Variants in RAB22A observed in about 807,000 individuals in gnomAD.
RAB22A encodes RAB22A, member RAS oncogene family.
RAB22A carries 13 observed loss-of-function variants against 30.2 expected under a neutral mutation model. The ratio of observed to expected loss-of-function variants is 0.43; its 90% CI spans 0.28 to 0.68. RAB22A has a LOEUF of 0.68. Among genes scored for constraint, RAB22A ranks in the 30% least tolerant of loss-of-function variants. RAB22A has a pLI of 0.18. For synonymous variants in RAB22A, 89 were observed against 87.2 expected (o/e 1.02, Z -0.11); for missense variants, 177 against 246.8 (o/e 0.72, Z 1.89).
chr20:58,339,373 A>G (rs1986817829), intron 2 of RAB22A, among the ~76,000 whole-genome samples: 1 of 152,246 alleles, frequency 6.6e-6, no homozygotes, highest in Non-Finnish European at 1.5e-5. Context: ...GTATCATTTG[A>G]ATGGCAGGGA....
Position 58,353,529 on chromosome 20 carries a change from T to C in RAB22A, c.368T>C (p.Ile123Thr), listed in dbSNP as rs1023329295. Residue 123 changes from isoleucine to threonine, a missense_variant, in exon 5 of 7, where the codon ATC becomes ACC. Physicochemically the swap from Ile to Thr is moderately conservative, Grantham distance 89. Transcript: ENST00000244040. Reference protein sequence around the residue: ...VAIAGNKCDLIDVREVMERDA... With the variant: ...VAIAGNKCDLTDVREVMERDA... ...ATTGCAGGAAATAAATGTGATCTTA[T>C]CGATGTAAGGTAAGTTATTAGAACG... The C allele has an allele frequency of 1.9e-6, 3 of 1,596,678 alleles. No individual in the cohort carries two copies. Among genetic ancestry groups the C allele is most frequent in the African/African-American group, 2.7e-5 (2 of 74,486 alleles).
chr20:58,326,390 C>T (rs1288912384), intron 2 of RAB22A, among the ~76,000 whole-genome samples: 4 of 152,116 alleles, frequency 2.6e-5, no homozygotes, highest in Admixed American at 6.5e-5. Flanking sequence ...TACATAAATG[C>T]AATAACACAG....
chr20:58,366,072 A>G lies in RAB22A; in HGVS notation c.*6369A>G, dbSNP rs992808409. On this transcript the variant is annotated 3_prime_UTR_variant, in exon 7 of 7. Transcript: ENST00000244040. ...CATCATTTCACTTTGTGAGTCACTC[A>G]CATAATTGTCAATCATTCCTCTGAC... The G allele has an allele frequency of 6.6e-5, 10 of 151,962 alleles. No individual in the cohort carries two copies. Among genetic ancestry groups the G allele is most frequent in the African/African-American group, 2.4e-4 (10 of 41,324 alleles). 9.4% of individuals were successfully genotyped at this position (151,962 alleles called of 1,614,324 possible).
At chr20:58,321,323 C>A (rs1986455907) in intron 2 of RAB22A, among the ~76,000 whole-genome samples, 1 of 152,008 alleles carries the variant, frequency 6.6e-6, no homozygotes, top group East Asian at 1.9e-4. Flanking sequence ...GAGATGGCAC[C>A]ACTGCACTCC....
chr20:58,336,081 C>G (rs1986746126), intron 2 of RAB22A, among the ~76,000 whole-genome samples: 1 of 152,190 alleles, frequency 6.6e-6, no homozygotes, highest in African/African-American at 2.4e-5. Flanking sequence ...ACGATCTCAG[C>G]TCACTGCAAC....
rs538465941 is a variant in RAB22A at position 58,364,405 on chromosome 20, A to G, written c.*4702A>G. ...TATAATCAATTATGGATAGGCCAGAATATTTTTGGCTTCAAAACAAAAGGA... is the reference window on the plus strand; with the variant it reads ...TATAATCAATTATGGATAGGCCAGAGTATTTTTGGCTTCAAAACAAAAGGA... On this transcript the variant is annotated 3_prime_UTR_variant, in exon 7 of 7. Coordinates refer to ENST00000244040, the MANE Select transcript of RAB22A (RefSeq NM_020673.3). The G allele has an allele frequency of 1.3e-5, 2 of 152,346 alleles. No individual in the cohort carries two copies. Among genetic ancestry groups the G allele is most frequent in the East Asian group, 3.9e-4 (2 of 5,190 alleles). 9.4% of individuals were successfully genotyped at this position (152,346 alleles called of 1,614,324 possible).
chr20:58,359,632 A>G lies in RAB22A; in HGVS notation c.514A>G (p.Asn172Asp), dbSNP rs1987192107. The change falls in exon 7 of 7, where the codon AAC becomes GAC. Residue 172 changes from asparagine to aspartate, a missense_variant. Asn to Asp is a conservative substitution (Grantham distance 23, BLOSUM62 1). Transcript: ENST00000244040. ...TCGAAGAATTCCATCCACTGACGCC[A>G]ACCTGCCATCTGGCGGTAAGGGCTT... ...ISRRIPSTDA[N>D]LPSGGKGFKL... 1 of 1,612,180 alleles carries G rather than the reference A, an allele frequency of 6.2e-7. No homozygotes were observed. Among genetic ancestry groups the G allele is most frequent in the Admixed American group, 1.7e-5 (1 of 59,966 alleles).
intron 3 of RAB22A, among the ~76,000 whole-genome samples, chr20:58,348,125 G>C (rs1374359503): frequency 6.6e-6 from 1 of 152,164 alleles, no homozygotes; most frequent in African/African-American, 2.4e-5. Flanking sequence ...TACTCGGAAG[G>C]CTGAGGCAGG....
rs1038253232 is a variant in RAB22A, at chr20:58,353,667, G to A, written c.377+129G>A. The A allele has an allele frequency of 5.6e-5, 46 of 817,618 alleles. No individual in the cohort carries two copies. The East Asian group carries it at 1.2e-3, about 21-fold the overall frequency. The allele number at this position is 817,618 out of a possible 1,614,324, so 50.6% of individuals were successfully genotyped here. A position where few individuals can be genotyped will look rare whatever the true frequency, so the allele number is the denominator to read the frequency against. Reference sequence around the variant, plus strand: ...AAAAATTCCTTTTGGTTGTGTGGTTGGAGTCCTAAATTTTTAAACTAAAAT... The same window carrying A: ...AAAAATTCCTTTTGGTTGTGTGGTTAGAGTCCTAAATTTTTAAACTAAAAT... On this transcript the variant is annotated intron_variant, in intron 5 of 6. Transcript: ENST00000244040.
rs1987264732 is a variant in RAB22A at position 58,363,538 on chromosome 20, C to G, written c.*3835C>G. On this transcript the variant is annotated 3_prime_UTR_variant, in exon 7 of 7. Coordinates refer to ENST00000244040, the MANE Select transcript of RAB22A (RefSeq NM_020673.3). The stretch of plus-strand genomic sequence containing the variant: ...AGGCTGGCTCTCCTCTCTAACCTCA[C>G]TGGGCTATAAATGTTCCTTCTAACT... 6.6e-6 allele frequency: 1 copy of G among 152,200 alleles called. No homozygotes were observed. Among genetic ancestry groups the G allele is most frequent in the African/African-American group, 2.4e-5 (1 of 41,448 alleles). The allele number at this position is 152,200 out of a possible 1,614,324, so 9.4% of individuals were successfully genotyped here. A position where few individuals can be genotyped will look rare whatever the true frequency, so the allele number is the denominator to read the frequency against.
chr20:58,334,322 C>T (rs563089650), intron 2 of RAB22A, among the ~76,000 whole-genome samples: 8 of 147,058 alleles, frequency 5.4e-5, no homozygotes, highest in Admixed American at 3.4e-4. Context: ...GCGACAAGAG[C>T]GAAAGTCCAT....
chr20:58,334,597 A>G (rs1351108236), intron 2 of RAB22A, among the ~76,000 whole-genome samples: 3 of 152,018 alleles, frequency 2.0e-5, no homozygotes, highest in Non-Finnish European at 4.4e-5. Flanking sequence ...CCTTCTGGTC[A>G]TTGGAGATGT....
Position 58,365,364 on chromosome 20 carries a change from G to C in RAB22A, c.*5661G>C, listed in dbSNP as rs1181187660. 1.3e-5 allele frequency: 2 copies of C among 152,244 alleles called. No homozygotes were observed. Among genetic ancestry groups the C allele is most frequent in the Non-Finnish European group, 2.9e-5 (2 of 68,050 alleles). 9.4% of individuals were successfully genotyped at this position (152,244 alleles called of 1,614,324 possible). A position where few individuals can be genotyped will look rare whatever the true frequency, so the allele number is the denominator to read the frequency against. On this transcript the variant is annotated 3_prime_UTR_variant, in exon 7 of 7. Transcript: ENST00000244040. ...AGAGTGGGGCCCACTGGCATGAGTA[G>C]TCCCTGTGCCCATGCCCATGGTGGT...
chr20:58,314,112 G>A (rs930579119), intron 2 of RAB22A, among the ~76,000 whole-genome samples: 7 of 150,140 alleles, frequency 4.7e-5, no homozygotes, highest in Admixed American at 1.3e-4. Flanking sequence ...GTAATGACAC[G>A]ATCTCGGCTC....
intron 2 of RAB22A, among the ~76,000 whole-genome samples, chr20:58,315,454 G>C (rs62205883): frequency 2.6e-5 from 4 of 152,148 alleles, no homozygotes; most frequent in Non-Finnish European, 4.4e-5. Flanking sequence ...TCATGGGGAA[G>C]AGCATGGGCC....
At chr20:58,321,476 A>G (rs1349343598) in intron 2 of RAB22A, among the ~76,000 whole-genome samples, 1 of 152,146 alleles carries the variant, frequency 6.6e-6, no homozygotes, top group East Asian at 1.9e-4. Flanking sequence ...TGAATGTTCC[A>G]TGTGCACTAG....
chr20:58,315,432 G>A (rs78396816), intron 2 of RAB22A, among the ~76,000 whole-genome samples: 7,026 of 152,130 alleles, frequency 0.046, 222 homozygotes, highest in African/African-American at 0.086. Flanking sequence ...CTAAGGGCTC[G>A]CCTGTGTCGT....
chr20:58,327,644 A>T (rs1986590914), intron 2 of RAB22A, among the ~76,000 whole-genome samples: 1 of 152,222 alleles, frequency 6.6e-6, no homozygotes, highest in African/African-American at 2.4e-5. Context: ...TACTAAACCA[A>T]TCCCAAACTC....
chr20:58,337,134 T>A (rs1050659874), intron 2 of RAB22A, among the ~76,000 whole-genome samples: 2 of 152,204 alleles, frequency 1.3e-5, no homozygotes, highest in African/African-American at 4.8e-5. Context: ...AAACACACAC[T>A]TACTCTTTTA....
Sources: gnomAD v4.1 joint callset for allele counts (sites outside exome capture counted in the v4.1 genomes callset) on GRCh38, gnomAD v4.1.1 for gene constraint, MANE v1.5 for transcripts, NCBI Gene and HGNC (gene_info 2026-07-23, HGNC 2026-07-21) for gene names.